LRRC49: variants seen among roughly 807,000 people sequenced by gnomAD.
The protein encoded by LRRC49 is leucine rich repeat containing 49.
Under a neutral mutation model 83.3 loss-of-function variants are expected in LRRC49, and 50 were observed. The observed-to-expected ratio is 0.60, with a 90% confidence interval of 0.48 to 0.76. The LOEUF (loss-of-function observed/expected upper bound fraction) is 0.76. Ranked by LOEUF, LRRC49 falls within the 30% of genes least tolerant of loss-of-function variation. The probability of loss-of-function intolerance (pLI) is 0.00; values close to 1 mark genes in which losing one functional copy is unlikely to be tolerated. For synonymous variants in LRRC49, 286 were observed against 283.3 expected (o/e 1.01, Z -0.10); for missense variants, 704 against 809.1 (o/e 0.87, Z 1.58).
intron 2 of LRRC49, chr15:70,894,793 C>T (rs1425411239): frequency 2.0e-5 from 5 of 255,850 alleles, no homozygotes; most frequent in Non-Finnish European, 3.0e-5. Context: ...GGAAGGACAT[C>T]GTTAGTCAAG....
chr15:70,996,117 C>T (rs563466299), intron 11 of LRRC49, among the ~76,000 whole-genome samples: 45 of 151,064 alleles, frequency 3.0e-4, no homozygotes, highest in African/African-American at 1.0e-3. Context: ...TTTTAATGAC[C>T]GGAAAACTAG....
At chr15:70,881,498 ATATTTATT>A (rs2033263022) in intron 2 of LRRC49, 1 of 152,154 alleles carries the variant, frequency 6.6e-6, no homozygotes, top group Admixed American at 6.5e-5. Flanking sequence ...TGTAAAATTG[ATATTTATT>A]TTTGTTATTC....
At chr15:70,950,556 GTCT>G (rs1236474839) in intron 8 of LRRC49, among the ~76,000 whole-genome samples, 1 of 152,102 alleles carries the variant, frequency 6.6e-6, no homozygotes, top group Non-Finnish European at 1.5e-5. Flanking sequence ...CCACATGTAT[GTCT>G]TCTTTTAAGA....
upstream of LRRC49, among the ~76,000 whole-genome samples, chr15:70,888,751 AAATC>A (rs1403508097): frequency 1.3e-5 from 2 of 152,214 alleles, no homozygotes; most frequent in Non-Finnish European, 1.5e-5. Flanking sequence ...TAAAAATTCT[AAATC>A]AACAAGAAAA....
rs143591981 is a variant in LRRC49 at position 70,859,158 on chromosome 15, G to A, written c.-299+5689G>A. On this transcript the variant is annotated intron_variant, in intron 1 of 16. Coordinates refer to the LRRC49 transcript ENST00000544974. ...CAGAGCTATATCAACAACCTTAGGT[G>A]GCAGCTGGAGACTCTGAGCCAGGAG... is the stretch of plus-strand genomic sequence containing the variant. 261 of 1,414,682 alleles carry A rather than the reference G, an allele frequency of 1.8e-4. 2 individuals are homozygous for A. In the African/African-American group the frequency reaches 3.2e-3, roughly 17 times the overall value. 87.6% of individuals were successfully genotyped at this position (1,414,682 alleles called of 1,614,324 possible). A position where few individuals can be genotyped will look rare whatever the true frequency, so the allele number is the denominator to read the frequency against.
chr15:71,042,059 A>G (rs767606166), intron 15 of LRRC49, among the ~76,000 whole-genome samples: 1 of 152,186 alleles, frequency 6.6e-6, no homozygotes, highest in Non-Finnish European at 1.5e-5. Flanking sequence ...AAGAAGAGAA[A>G]ATCTTTATGA....
intron 14 of LRRC49, among the ~76,000 whole-genome samples, chr15:71,016,502 AAAG>A (rs1342083742): frequency 2.0e-5 from 3 of 152,182 alleles, no homozygotes; most frequent in Admixed American, 2.0e-4. Context: ...AAAATGGAAA[AAAG>A]AAGTTCATAA....
chr15:70,954,059 T>G (rs2036313717), intron 8 of LRRC49, among the ~76,000 whole-genome samples: 1 of 151,980 alleles, frequency 6.6e-6, no homozygotes, highest in Non-Finnish European at 1.5e-5. Context: ...CATGCCCAGC[T>G]AATTTTTGTA....
At chr15:70,955,005 AG>A (rs2036349125) in intron 8 of LRRC49, among the ~76,000 whole-genome samples, 1 of 149,968 alleles carries the variant, frequency 6.7e-6, no homozygotes, top group African/African-American at 2.5e-5. Flanking sequence ...GAAGTGGTGG[AG>A]GCGTTGTGGC....
intron 1 of LRRC49, among the ~76,000 whole-genome samples, chr15:70,858,055 C>T (rs977546546): frequency 2.0e-5 from 3 of 152,186 alleles, no homozygotes; most frequent in African/African-American, 4.8e-5. Context: ...GTTCCAAGAA[C>T]CTTCATACCA....
At chr15:70,968,128 T>G (rs536970864) in intron 9 of LRRC49, among the ~76,000 whole-genome samples, 1 of 152,176 alleles carries the variant, frequency 6.6e-6, no homozygotes, top group Admixed American at 6.5e-5. Context: ...CCTAATGCTA[T>G]CCCTCTCCTT....
chr15:71,045,287 GA>G lies in LRRC49; in HGVS notation c.1858-4119del, dbSNP rs1237882914. Among the ~76,000 whole-genome samples, 6 of 152,236 alleles carry G rather than the reference GA, an allele frequency of 3.9e-5. No homozygotes were observed. In the East Asian group the frequency reaches 1.2e-3, roughly 29 times the overall value. The stretch of plus-strand genomic sequence containing the variant: ...AAAATTTCAAACATACAGCAAAGTT[GA>G]AAGAATTTTACAATAAACATCCATA... On this transcript the variant is annotated intron_variant, in intron 15 of 15. Transcript: ENST00000260382.
chr15:70,853,969 A>G, intron 1 of LRRC49: 1 of 1,458,222 alleles, frequency 6.9e-7, no homozygotes, highest in Non-Finnish European at 9.1e-7. Flanking sequence ...CGGCGCCCCG[A>G]GTCTCCGCCC....
At chr15:71,044,840 T>C (rs1370272844) in intron 15 of LRRC49, among the ~76,000 whole-genome samples, 1 of 151,064 alleles carries the variant, frequency 6.6e-6, no homozygotes, top group Non-Finnish European at 1.5e-5. Flanking sequence ...AAGAAAATAT[T>C]AAAAAGGAGG....
At chr15:70,891,763 C>A (rs1034331920), upstream of LRRC49, 4 of 1,288,772 alleles carry the variant, frequency 3.1e-6, no homozygotes, top group Admixed American at 2.8e-5. Flanking sequence ...AGATGAGGTG[C>A]CTTTCCCAAG....
At chr15:70,888,906 T>C (rs2033479125), upstream of LRRC49, among the ~76,000 whole-genome samples, 1 of 152,206 alleles carries the variant, frequency 6.6e-6, no homozygotes, top group South Asian at 2.1e-4. Context: ...AAAACATTAC[T>C]ACGCACTCTG....
chr15:71,029,747 T>C (rs2039289113), intron 14 of LRRC49, among the ~76,000 whole-genome samples: 1 of 152,206 alleles, frequency 6.6e-6, no homozygotes, highest in Non-Finnish European at 1.5e-5. Context: ...GCTCTTCTTG[T>C]TGCATTGATC....
chr15:70,940,886 C>T (rs2035790444), intron 8 of LRRC49, among the ~76,000 whole-genome samples: 4 of 152,154 alleles, frequency 2.6e-5, no homozygotes, highest in Admixed American at 2.6e-4. Context: ...CTACTGAACT[C>T]CTCTTGAGGG....
At chr15:70,858,964 T>G in intron 1 of LRRC49, 1 of 835,524 alleles carries the variant, frequency 1.2e-6, no homozygotes. Flanking sequence ...GACCCCAACA[T>G]CCAGGCTCTA....
Sources: allele counts gnomAD v4.1 joint callset (sites outside exome capture counted in the v4.1 genomes callset), GRCh38; gene constraint gnomAD v4.1.1; transcripts MANE v1.5; gene names NCBI Gene and HGNC (gene_info 2026-07-23, HGNC 2026-07-21).